ASAP1: variants seen among roughly 807,000 people sequenced by gnomAD.
The protein encoded by ASAP1 is arf-GAP with SH3 domain, ANK repeat and PH domain-containing protein 1.
ASAP1 carries 43 observed loss-of-function variants against 145.2 expected under a neutral mutation model. That is an observed-to-expected ratio of 0.30 (90% confidence interval 0.23 to 0.38). ASAP1 has a LOEUF of 0.38. Ranked by LOEUF, ASAP1 falls within the 10% of genes least tolerant of loss-of-function variation. The pLI is 1.00. For synonymous variants in ASAP1, 546 were observed against 515.5 expected, an observed-to-expected ratio of 1.06 and a Z score of -0.80; for missense variants, 1,018 against 1,355.3, an observed-to-expected ratio of 0.75 and a Z score of 3.91.
At chr8:130,373,883 G>A (rs995676624) in intron 2 of ASAP1, among the ~76,000 whole-genome samples, 2 of 148,478 alleles carry the variant, frequency 1.3e-5, no homozygotes, top group Non-Finnish European at 3.0e-5. Flanking sequence ...ATAAACCTGT[G>A]TAATAAAAAA....
At chr8:130,181,536 C>G (rs988042038) in intron 7 of ASAP1, among the ~76,000 whole-genome samples, 1 of 152,188 alleles carries the variant, frequency 6.6e-6, no homozygotes, top group Admixed American at 6.5e-5. Context: ...TAATTTCCAA[C>G]ATTCCTCTAA....
chr8:130,324,949 A>C (rs1824233668), intron 3 of ASAP1, among the ~76,000 whole-genome samples: 1 of 152,186 alleles, frequency 6.6e-6, no homozygotes. Context: ...GCAAAAGCCA[A>C]GCAAAGGTGA....
chr8:130,151,295 T>C (rs949751042), intron 13 of ASAP1, among the ~76,000 whole-genome samples: 1 of 135,874 alleles, frequency 7.4e-6, no homozygotes, highest in Non-Finnish European at 1.5e-5. Context: ...CGCTTGAACC[T>C]GGGAGATGGA....
chr8:130,136,043 C>T (rs2097593869), intron 14 of ASAP1, among the ~76,000 whole-genome samples: 1 of 152,112 alleles, frequency 6.6e-6, no homozygotes, highest in Admixed American at 6.5e-5. Context: ...GGCTGTGGGT[C>T]TGCCTTGCTG....
chr8:130,162,189 C>CT (rs2097670617), intron 11 of ASAP1, among the ~76,000 whole-genome samples: 1 of 152,198 alleles, frequency 6.6e-6, no homozygotes, highest in Admixed American at 6.5e-5. Context: ...TTCACACTTT[C>CT]TAAATGGAGG....
intron 2 of ASAP1, among the ~76,000 whole-genome samples, chr8:130,376,828 G>A (rs866311072): frequency 6.7e-5 from 10 of 150,056 alleles, no homozygotes; most frequent in African/African-American, 1.7e-4. Context: ...GTTTGAAGCC[G>A]GGAGGCAGAG....
At chr8:130,255,669 G>A (rs963879254) in intron 3 of ASAP1, among the ~76,000 whole-genome samples, 1 of 152,082 alleles carries the variant, frequency 6.6e-6, no homozygotes, top group Non-Finnish European at 1.5e-5. Context: ...ATTTTAAGTT[G>A]TGTGTGTTTA....
At chr8:130,223,529 G>C (rs1817415965) in intron 4 of ASAP1, among the ~76,000 whole-genome samples, 2 of 152,316 alleles carry the variant, frequency 1.3e-5, no homozygotes, top group South Asian at 4.1e-4. Context: ...GGATATATAA[G>C]ATGACTGTGG....
At chr8:130,115,495 A>G in intron 23 of ASAP1, 133 bp downstream of exon 23, 1 of 723,584 alleles carries the variant, frequency 1.4e-6, no homozygotes, top group South Asian at 1.7e-5. Context: ...TAAGGACTGA[A>G]CAACATAAAT....
intron 3 of ASAP1, among the ~76,000 whole-genome samples, chr8:130,279,808 C>A (rs891891295): frequency 6.6e-6 from 1 of 152,058 alleles, no homozygotes; most frequent in Non-Finnish European, 1.5e-5. Context: ...AGCAGGAAAC[C>A]GGTCCACTAA....
rs1826540159 is a variant in ASAP1, at chr8:130,358,796, G to A, written c.60-653C>T. On this transcript the variant is annotated intron_variant, in intron 2 of 29. Transcript: ENST00000518721. This position sits in a 1 kb window ranked among gnomAD's most constrained non-coding sequence, Gnocchi z 4.1. The stretch of plus-strand genomic sequence containing the variant: ...ACAGCCCCTGGGGCCTGGCTCCGAA[G>A]CTGCCGCTCCCGACCCCGGCTGCGC... Among the ~76,000 whole-genome samples the A allele has an allele frequency of 6.7e-6, 1 of 148,414 alleles. No individual in the cohort carries two copies. Among genetic ancestry groups the A allele is most frequent in the Non-Finnish European group, 1.5e-5 (1 of 66,918 alleles).
intron 14 of ASAP1, among the ~76,000 whole-genome samples, chr8:130,135,922 C>A (rs1270015033): frequency 6.6e-6 from 1 of 152,152 alleles, no homozygotes; most frequent in East Asian, 1.9e-4. Flanking sequence ...CCCTAAAGAG[C>A]CTCATGACTG....
At chr8:130,359,647 C>A (rs1190256016) in intron 2 of ASAP1, among the ~76,000 whole-genome samples, 1 of 146,864 alleles carries the variant, frequency 6.8e-6, no homozygotes, top group South Asian at 2.2e-4. Flanking sequence ...GACGGAGTCT[C>A]GCTCTGTCGC....
In ASAP1 at chr8:130,107,054, A is replaced by G. The variant is rs184347041; in HGVS notation, c.2401+5040T>C. Among the ~76,000 whole-genome samples, 148 of 152,336 alleles carry G rather than the reference A, an allele frequency of 9.7e-4. 2 individuals carry two copies. The highest frequency in any genetic ancestry group is 3.3e-3 in the African/African-American group (138 of 41,572). On this transcript the variant is annotated intron_variant, in intron 24 of 29. Transcript: ENST00000518721. The stretch of plus-strand genomic sequence containing the variant: ...TTATTTCATGCTCTCTAAGCAAGGT[A>G]GACACCTAATCCTTATTTTTCAGTT...
At chr8:130,245,346 C>T (rs996825466) in intron 3 of ASAP1, among the ~76,000 whole-genome samples, 5 of 152,198 alleles carry the variant, frequency 3.3e-5, no homozygotes, top group South Asian at 2.1e-4. Flanking sequence ...AAACATTTAA[C>T]GTCTTCTACG....
intron 16 of ASAP1, among the ~76,000 whole-genome samples, chr8:130,127,173 G>A (rs2097576261): frequency 2.0e-5 from 3 of 152,170 alleles, no homozygotes; most frequent in Non-Finnish European, 4.4e-5. Flanking sequence ...GAGTAGGAAG[G>A]AAGGAAAATC....
chr8:130,322,793 C>T (rs1824089610), intron 3 of ASAP1, among the ~76,000 whole-genome samples: 5 of 152,154 alleles, frequency 3.3e-5, no homozygotes, highest in Admixed American at 3.3e-4. Flanking sequence ...GTATAACTAA[C>T]AAAGGGCAGA....
chr8:130,388,200 C>T (rs761193126), intron 2 of ASAP1, among the ~76,000 whole-genome samples: 2 of 152,126 alleles, frequency 1.3e-5, no homozygotes, highest in East Asian at 3.8e-4. Context: ...AGGAACAGAA[C>T]GGAGGCCAAT....
At chr8:130,120,395 A>G (rs2097563882) in intron 18 of ASAP1, among the ~76,000 whole-genome samples, 1 of 152,256 alleles carries the variant, frequency 6.6e-6, no homozygotes, top group Non-Finnish European at 1.5e-5. Context: ...GGGTAAATCA[A>G]GTTCTCACTG....
Sources: allele counts gnomAD v4.1 joint callset (sites outside exome capture counted in the v4.1 genomes callset), GRCh38; gene constraint gnomAD v4.1.1; non-coding constraint Gnocchi (gnomAD v3.1); transcripts MANE v1.5; gene names NCBI Gene and HGNC (gene_info 2026-07-23, HGNC 2026-07-21).